The following TGFBR3 variants were observed in gnomAD, a reference collection of about 807,000 sequenced individuals.
TGFBR3 encodes transforming growth factor beta receptor 3, also known as transforming growth factor beta receptor type 3.
In TGFBR3, 46 loss-of-function variants were observed where a neutral mutation model predicts 87.9. That is an observed-to-expected ratio of 0.52 (90% CI 0.41 to 0.67). The LOEUF (loss-of-function observed/expected upper bound fraction) is 0.67, where lower values mean the gene tolerates loss of function less well. Among genes scored for constraint, TGFBR3 ranks in the 30% least tolerant of loss-of-function variants. TGFBR3 has a pLI of 0.00. For missense variants in TGFBR3, 866 were observed against 1,041.9 expected (o/e 0.83, Z 2.32); for synonymous variants, 381 against 391.6 (o/e 0.97, Z 0.32).
At chr1:91,797,569 T>G in intron 2 of TGFBR3, 98 bp from the exon 3 acceptor site, 1 of 1,344,952 alleles carries the variant, frequency 7.4e-7, no homozygotes, top group South Asian at 1.2e-5. Flanking sequence ...CCACCAGAGA[T>G]GCCTTTCCAG....
At chr1:91,807,841 C>A (rs1289272365) in intron 2 of TGFBR3, among the ~76,000 whole-genome samples, 1 of 152,150 alleles carries the variant, frequency 6.6e-6, no homozygotes, top group Non-Finnish European at 1.5e-5. Flanking sequence ...GATACAGGAG[C>A]TGGGTTTTAA....
At position 91,682,747 on chromosome 1, in the gene TGFBR3, T is replaced by C. The variant is rs1204966320; in HGVS notation, c.*992A>G. ...GTGGAAACACTCACCCTACCAAATA[T>C]ACTTAAGTTGCAACTCTAAAAGCAT... On this transcript the variant is annotated 3_prime_UTR_variant, in exon 17 of 17. Transcript: ENST00000212355. The C allele has an allele frequency of 4.4e-6, 2 of 453,928 alleles. No individual in the cohort carries two copies. The highest frequency in any genetic ancestry group is 4.4e-6 in the Non-Finnish European group (1 of 226,774). The allele number at this position is 453,928 out of a possible 1,614,324, so 28.1% of individuals were successfully genotyped here. A position where few individuals can be genotyped will look rare whatever the true frequency, so the allele number is the denominator to read the frequency against.
chr1:91,836,884 G>C (rs75940451), intron 2 of TGFBR3, among the ~76,000 whole-genome samples: 1,544 of 152,256 alleles, frequency 0.01, 28 homozygotes, highest in African/African-American at 0.036. Flanking sequence ...TGGTGATTAT[G>C]ACAGAGCTGG....
intron 2 of TGFBR3, among the ~76,000 whole-genome samples, chr1:91,892,791 G>A (rs2101333978): frequency 6.6e-6 from 1 of 152,286 alleles, no homozygotes; most frequent in Non-Finnish European, 1.5e-5. Flanking sequence ...TTACTTGAAA[G>A]TAATACCAGT....
At chr1:91,707,814 C>T (rs3767569) in intron 14 of TGFBR3, among the ~76,000 whole-genome samples, 22,563 of 152,262 alleles carry the variant, frequency 0.15, 2,006 homozygotes, top group South Asian at 0.25. Flanking sequence ...CATTTGGTTC[C>T]ACCCCTCAGA....
At chr1:91,869,202 C>G (rs1678492909) in intron 1 of TGFBR3, among the ~76,000 whole-genome samples, 1 of 152,314 alleles carries the variant, frequency 6.6e-6, no homozygotes, top group South Asian at 2.1e-4. Flanking sequence ...CGCAGTACAA[C>G]CCTTCAGGTT....
intron 2 of TGFBR3, among the ~76,000 whole-genome samples, chr1:91,820,205 C>G (rs1391060014): frequency 6.6e-6 from 1 of 152,144 alleles, no homozygotes; most frequent in Non-Finnish European, 1.5e-5. Context: ...AGGTTTGGGA[C>G]AGCAACTGAA....
intron 16 of TGFBR3, among the ~76,000 whole-genome samples, chr1:91,684,655 C>T (rs868365837): frequency 6.6e-6 from 1 of 152,168 alleles, no homozygotes; most frequent in African/African-American, 2.4e-5. Flanking sequence ...AGGAAGGAAA[C>T]CTCAAGTCAC....
intron 1 of TGFBR3, among the ~76,000 whole-genome samples, chr1:91,872,837 G>T (rs972489179): frequency 1.3e-5 from 2 of 152,212 alleles, no homozygotes; most frequent in Admixed American, 6.5e-5. Context: ...AGGATGGGGG[G>T]ACCCACAGGT....
At chr1:91,717,701 A>C (rs1301282822) in intron 10 of TGFBR3, among the ~76,000 whole-genome samples, 1 of 149,020 alleles carries the variant, frequency 6.7e-6, no homozygotes, top group African/African-American at 2.5e-5. Context: ...AAAAAAAAAA[A>C]CAAACTGCCT....
At chr1:91,721,831 G>A (rs201014386) in intron 8 of TGFBR3, 124 bp downstream of exon 8, 1 of 875,274 alleles carries the variant, frequency 1.1e-6, no homozygotes, top group East Asian at 2.7e-5. Context: ...CTGATAAAAA[G>A]TAGTCAAATT....
intron 2 of TGFBR3, among the ~76,000 whole-genome samples, chr1:91,833,057 G>A (rs929890967): frequency 5.3e-5 from 8 of 150,118 alleles, no homozygotes; most frequent in Non-Finnish European, 8.9e-5. Context: ...AGCACTTTGG[G>A]AGGCCAAGGC....
chr1:91,820,968 G>A lies in TGFBR3; in HGVS notation c.62-23497C>T, dbSNP rs933718087. On this transcript the variant is annotated intron_variant, in intron 2 of 16. Transcript: ENST00000212355. ...TAGAGACGGGTTGGAGACACGAGAG[G>A]AACTCTGACTTTGCTCTCCATCCTT... is the stretch of plus-strand genomic sequence containing the variant. 2.0e-5 allele frequency among the ~76,000 whole-genome samples: 3 copies of A among 152,142 alleles called. 1 individual carries two copies. The highest frequency in any genetic ancestry group is 4.4e-5 in the Non-Finnish European group (3 of 68,032).
chr1:91,880,415 C>T (rs970487794), intron 1 of TGFBR3, among the ~76,000 whole-genome samples: 6 of 151,894 alleles, frequency 4.0e-5, no homozygotes, highest in Non-Finnish European at 5.9e-5. Flanking sequence ...CTAGCTAACA[C>T]GGTGAAACCC....
intron 2 of TGFBR3, among the ~76,000 whole-genome samples, chr1:91,856,351 C>T (rs973404412): frequency 1.3e-5 from 2 of 152,168 alleles, no homozygotes; most frequent in African/African-American, 4.8e-5. Context: ...CAGGCGTGAG[C>T]CACCACGCCC....
At chr1:91,697,272 TA>T (rs898222343) in intron 15 of TGFBR3, among the ~76,000 whole-genome samples, 2 of 151,950 alleles carry the variant, frequency 1.3e-5, no homozygotes, top group Non-Finnish European at 1.5e-5. Context: ...TTCCATAATT[TA>T]AAAAAAATAA....
intron 2 of TGFBR3, among the ~76,000 whole-genome samples, chr1:91,805,439 C>T (rs17880827): frequency 4.3e-4 from 66 of 152,296 alleles, no homozygotes; most frequent in African/African-American, 8.9e-4. Flanking sequence ...ACACTCTCCT[C>T]GGCCACCAGC....
At chr1:91,771,558 T>C (rs1674378024) in intron 3 of TGFBR3, among the ~76,000 whole-genome samples, 2 of 151,636 alleles carry the variant, frequency 1.3e-5, no homozygotes, top group Admixed American at 1.3e-4. Context: ...ACAAAAAAAT[T>C]AGCCGGGCGT....
At chr1:91,856,513 C>G (rs575997980) in intron 2 of TGFBR3, among the ~76,000 whole-genome samples, 5 of 152,074 alleles carry the variant, frequency 3.3e-5, no homozygotes, top group Non-Finnish European at 7.3e-5. Context: ...ACCTATGGAG[C>G]TGGAACAAGC....
Sources: allele counts gnomAD v4.1 joint callset (sites outside exome capture counted in the v4.1 genomes callset), GRCh38; gene constraint gnomAD v4.1.1; transcripts MANE v1.5; gene names NCBI Gene and HGNC (gene_info 2026-07-23, HGNC 2026-07-21).